The following MYCT1 variants were observed in gnomAD, a reference collection of about 807,000 sequenced individuals.
MYCT1 encodes MYC target 1, also known as myc target protein 1.
A neutral mutation model predicts 15.0 loss-of-function variants in MYCT1; 12 were observed. The observed-to-expected ratio is 0.80, with a 90% confidence interval of 0.51 to 1.29. The LOEUF (loss-of-function observed/expected upper bound fraction) is 1.29. MYCT1 is among the 50% of genes most tolerant of loss of function. MYCT1 has a pLI of 0.00. For synonymous variants in MYCT1, 104 were observed against 102.7 expected, an observed-to-expected ratio of 1.01 and a Z score of -0.07; for missense variants, 287 against 279.1, an observed-to-expected ratio of 1.03 and a Z score of -0.20.
chr6:152,737,109 C>A, the MYCT1 span, among the ~76,000 whole-genome samples: 1 of 151,994 alleles, frequency 6.6e-6, no homozygotes, highest in East Asian at 1.9e-4. Flanking sequence ...ATAAGACACT[C>A]ATAGACTGTC....
intron 1 of MYCT1, among the ~76,000 whole-genome samples, chr6:152,718,701 C>T (rs1197827399): frequency 2.0e-5 from 3 of 152,166 alleles, no homozygotes; most frequent in East Asian, 1.9e-4. Flanking sequence ...GCTCAAAGGG[C>T]GTACACAGAG....
intron 1 of MYCT1, among the ~76,000 whole-genome samples, chr6:152,703,704 C>T (rs1468446971): frequency 6.6e-6 from 1 of 152,064 alleles, no homozygotes; most frequent in Non-Finnish European, 1.5e-5. Context: ...AATTTTGACA[C>T]ACACACTTGA....
downstream of MYCT1, among the ~76,000 whole-genome samples, chr6:152,726,552 G>A (rs4870132): frequency 0.68 from 103,131 of 152,082 alleles, 35,248 homozygotes; most frequent in East Asian, 0.83. Context: ...ATCACAGTTC[G>A]GTGTGTAGAA....
chr6:152,704,153 C>G (rs2099721845), intron 1 of MYCT1, among the ~76,000 whole-genome samples: 1 of 151,766 alleles, frequency 6.6e-6, no homozygotes, highest in South Asian at 2.1e-4. Flanking sequence ...TATGTCACCG[C>G]ACCAGGCTAA....
the MYCT1 span, among the ~76,000 whole-genome samples, chr6:152,739,343 TA>T: frequency 6.6e-6 from 1 of 151,626 alleles, no homozygotes; most frequent in Admixed American, 6.6e-5. Context: ...AATATTTTTG[TA>T]TTTTTTTTTG....
the MYCT1 span, among the ~76,000 whole-genome samples, chr6:152,730,759 T>C: frequency 1.3e-5 from 2 of 152,176 alleles, no homozygotes; most frequent in African/African-American, 2.4e-5. Flanking sequence ...TTCATTTTTA[T>C]ATAAACAACA....
At chr6:152,736,927 A>T in the MYCT1 span, among the ~76,000 whole-genome samples, 1 of 152,284 alleles carries the variant, frequency 6.6e-6, no homozygotes, top group Admixed American at 6.5e-5. Flanking sequence ...AGCACAGGGT[A>T]TATTCCTAGG....
chr6:152,699,974 A>T (rs1197100898), intron 1 of MYCT1, among the ~76,000 whole-genome samples: 2 of 152,148 alleles, frequency 1.3e-5, no homozygotes, highest in African/African-American at 4.8e-5. Context: ...AATGAAAACC[A>T]GAAAGGGGAG....
chr6:152,746,708 C>G, the MYCT1 span, among the ~76,000 whole-genome samples: 105,872 of 152,084 alleles, frequency 0.7, 37,342 homozygotes, highest in East Asian at 0.86. Flanking sequence ...TTTCTCTATA[C>G]CCTTCTTTTT....
chr6:152,734,672 T>A, the MYCT1 span, among the ~76,000 whole-genome samples: 2 of 152,258 alleles, frequency 1.3e-5, no homozygotes, highest in East Asian at 1.9e-4. Flanking sequence ...TGACATTTTT[T>A]TTTTTAGGAA....
the MYCT1 span, among the ~76,000 whole-genome samples, chr6:152,737,148 C>A: frequency 1.3e-5 from 2 of 151,942 alleles, no homozygotes; most frequent in East Asian, 3.9e-4. Context: ...TTTCCTGGAA[C>A]AATATACTAA....
the MYCT1 span, among the ~76,000 whole-genome samples, chr6:152,737,839 C>A: frequency 8.5e-4 from 130 of 152,222 alleles, no homozygotes; most frequent in Middle Eastern, 3.4e-3. Context: ...TAGTCAATGA[C>A]TGTTGAAGTG....
the MYCT1 span, among the ~76,000 whole-genome samples, chr6:152,746,213 T>A: frequency 1.3e-5 from 2 of 152,228 alleles, no homozygotes; most frequent in African/African-American, 4.8e-5. Context: ...CAGAGGGTGA[T>A]TGAGTTGAAG....
chr6:152,724,870 A>T (rs1292729242), downstream of MYCT1, among the ~76,000 whole-genome samples: 2 of 151,936 alleles, frequency 1.3e-5, no homozygotes, highest in Admixed American at 1.3e-4. Flanking sequence ...AAATTAATGC[A>T]GATGGAAGAA....
At position 152,721,816 on chromosome 6, in the gene MYCT1, A is replaced by T. The variant is rs142380062; in HGVS notation, c.271A>T (p.Ile91Phe). The change falls in exon 2 of 2, where the codon ATT becomes TTT. Residue 91 changes from isoleucine (I) to phenylalanine (F), a missense_variant. By Grantham distance (21) the Ile-to-Phe change is conservative. Transcript: ENST00000367245. ...TGGAGGATTTATTTGGGCTGTGTTCATTTGTCTGTCTCGAAGAAGAAGAGC... is the reference window on the plus strand; with the variant it reads ...TGGAGGATTTATTTGGGCTGTGTTCTTTTGTCTGTCTCGAAGAAGAAGAGC... ...VLGGFIWAVF[I>F]CLSRRRRASA... The T allele has an allele frequency of 6.2e-7, 1 of 1,613,910 alleles. No homozygotes were observed. The highest frequency in any genetic ancestry group is 8.5e-7 in the Non-Finnish European group (1 of 1,179,972).
intron 1 of MYCT1, among the ~76,000 whole-genome samples, chr6:152,720,944 AG>A (rs773009680): frequency 1.3e-5 from 2 of 152,224 alleles, no homozygotes; most frequent in Non-Finnish European, 2.9e-5. Context: ...CATTAGGAAA[AG>A]GCATTTTTCT....
chr6:152,700,541 G>A (rs539260545), intron 1 of MYCT1, among the ~76,000 whole-genome samples: 1 of 152,238 alleles, frequency 6.6e-6, no homozygotes, highest in East Asian at 1.9e-4. Flanking sequence ...CTTCCTAAAG[G>A]TGTGCAAGCA....
At chr6:152,720,082 C>T (rs1040751431) in intron 1 of MYCT1, among the ~76,000 whole-genome samples, 8 of 151,804 alleles carry the variant, frequency 5.3e-5, no homozygotes, top group African/African-American at 1.9e-4. Flanking sequence ...TCATGTGTCA[C>T]AGTCATTTGG....
downstream of MYCT1, among the ~76,000 whole-genome samples, chr6:152,729,373 T>C (rs1382974714): frequency 6.6e-6 from 1 of 152,224 alleles, no homozygotes. Context: ...CCTGCTATTT[T>C]TAGCTCTTGG....
Sources: gnomAD v4.1 joint callset for allele counts (sites outside exome capture counted in the v4.1 genomes callset) on GRCh38, gnomAD v4.1.1 for gene constraint, MANE v1.5 for transcripts, NCBI Gene and HGNC (gene_info 2026-07-23, HGNC 2026-07-21) for gene names.